The following DGKB variants were observed in gnomAD, a reference collection of about 807,000 sequenced individuals.
The protein encoded by DGKB is 90 kDa diacylglycerol kinase.
A neutral mutation model predicts 114.3 loss-of-function variants in DGKB; 67 were observed. The ratio of observed to expected loss-of-function variants is 0.59; its 90% CI spans 0.48 to 0.72. The LOEUF (loss-of-function observed/expected upper bound fraction) is 0.72. Among genes scored for constraint, DGKB ranks in the 30% least tolerant of loss-of-function variants. The pLI, the probability that DGKB is intolerant of heterozygous loss-of-function variation, is 0.00. For missense variants in DGKB, 907 were observed against 975.2 expected, an observed-to-expected ratio of 0.93 and a Z score of 0.93; for synonymous variants, 398 against 323.1, an observed-to-expected ratio of 1.23 and a Z score of -2.49.
At chr7:14,329,888 TG>T (rs1809415160) in intron 23 of DGKB, among the ~76,000 whole-genome samples, 1 of 152,028 alleles carries the variant, frequency 6.6e-6, no homozygotes. Flanking sequence ...TGTCTACCAC[TG>T]GGTACGTTAA....
intron 23 of DGKB, among the ~76,000 whole-genome samples, chr7:14,262,220 C>T (rs1368687108): frequency 2.0e-5 from 3 of 152,222 alleles, no homozygotes; most frequent in African/African-American, 2.4e-5. Flanking sequence ...ATTGAGCCCA[C>T]GTAGAATTTA....
At chr7:14,546,450 T>C (rs1794296568) in intron 20 of DGKB, among the ~76,000 whole-genome samples, 1 of 152,182 alleles carries the variant, frequency 6.6e-6, no homozygotes, top group Non-Finnish European at 1.5e-5. Context: ...CTTGAGTACA[T>C]GCAGGGCTGG....
intron 4 of DGKB, among the ~76,000 whole-genome samples, chr7:14,743,023 T>C (rs1832782502): frequency 6.6e-6 from 1 of 152,180 alleles, no homozygotes; most frequent in African/African-American, 2.4e-5. Flanking sequence ...TTCTGTAAAC[T>C]GAGCAATGAA....
intron 2 of DGKB, among the ~76,000 whole-genome samples, chr7:14,768,926 C>A (rs1328141491): frequency 6.6e-6 from 1 of 151,728 alleles, no homozygotes; most frequent in Non-Finnish European, 1.5e-5. Context: ...AATTTGCTAT[C>A]AAATTAAAAA....
intron 20 of DGKB, among the ~76,000 whole-genome samples, chr7:14,502,118 T>G (rs1563337788): frequency 1.3e-5 from 2 of 151,940 alleles, no homozygotes; most frequent in Non-Finnish European, 2.9e-5. Flanking sequence ...ATGTCTTGGA[T>G]GTGGGCTTGA....
intron 21 of DGKB, among the ~76,000 whole-genome samples, chr7:14,439,231 C>A (rs191188644): frequency 6.6e-6 from 1 of 152,240 alleles, no homozygotes. Flanking sequence ...TCAGTGTTAA[C>A]TTCTATTTCA....
At chr7:14,669,474 T>C (rs1278978467) in intron 13 of DGKB, among the ~76,000 whole-genome samples, 1 of 152,134 alleles carries the variant, frequency 6.6e-6, no homozygotes, top group Non-Finnish European at 1.5e-5. Flanking sequence ...CAGAGGTGAC[T>C]CCCTCAAATC....
intron 6 of DGKB, among the ~76,000 whole-genome samples, chr7:14,704,268 T>C (rs1213284617): frequency 8.1e-6 from 1 of 123,358 alleles, no homozygotes; most frequent in African/African-American, 3.4e-5. Context: ...ACCCCGTCTC[T>C]ACTAAAAATA....
intron 2 of DGKB, among the ~76,000 whole-genome samples, chr7:14,840,628 C>A (rs1412442702): frequency 6.6e-6 from 1 of 151,570 alleles, no homozygotes; most frequent in African/African-American, 2.4e-5. Flanking sequence ...GGTCCTGACA[C>A]CTCTTTCTTT....
At chr7:14,621,813 G>A (rs1165167091) in intron 14 of DGKB, among the ~76,000 whole-genome samples, 1 of 152,068 alleles carries the variant, frequency 6.6e-6, no homozygotes, top group Non-Finnish European at 1.5e-5. Context: ...TAATGATACA[G>A]ATAAAGGGTA....
chr7:14,766,697 T>A lies in DGKB; in HGVS notation c.71-8966A>T, dbSNP rs114822174. Reference sequence around the variant, plus strand: ...ATAAACAGTATTTAACTGGATGACATCACATGTATAGTGATTGTAGATAGA... The same window carrying A: ...ATAAACAGTATTTAACTGGATGACAACACATGTATAGTGATTGTAGATAGA... On this transcript the variant is annotated intron_variant, in intron 2 of 25. Coordinates refer to ENST00000402815, the MANE Select transcript of DGKB (RefSeq NM_001350709.2). Among the ~76,000 whole-genome samples, 283 of 151,912 alleles carry A rather than the reference T, an allele frequency of 1.9e-3. 2 individuals are homozygous for A. Among genetic ancestry groups the A allele is most frequent in the African/African-American group, 6.6e-3 (273 of 41,508 alleles).
intron 19 of DGKB, among the ~76,000 whole-genome samples, chr7:14,580,506 G>C (rs1403755112): frequency 6.6e-6 from 1 of 152,054 alleles, no homozygotes; most frequent in Non-Finnish European, 1.5e-5. Context: ...CTTTGTTTGT[G>C]ATTTTACCTC....
chr7:14,490,605 G>T (rs1405537920), intron 20 of DGKB, among the ~76,000 whole-genome samples: 1 of 152,122 alleles, frequency 6.6e-6, no homozygotes, highest in African/African-American at 2.4e-5. Flanking sequence ...GGACAAAAAG[G>T]AGTCCAGTCC....
intron 1 of DGKB, among the ~76,000 whole-genome samples, chr7:14,936,169 G>A (rs1000872082): frequency 6.6e-6 from 1 of 152,128 alleles, no homozygotes; most frequent in Admixed American, 6.6e-5. Flanking sequence ...AGCAAAGTGA[G>A]GTCACTGGAT....
chr7:14,748,432 A>G (rs1235305708), intron 4 of DGKB, among the ~76,000 whole-genome samples: 1 of 152,208 alleles, frequency 6.6e-6, no homozygotes, highest in African/African-American at 2.4e-5. Flanking sequence ...ACATATTTGC[A>G]CATATTTGGA....
chr7:14,955,444 CTT>C, intron 1 of DGKB, among the ~76,000 whole-genome samples: 1 of 152,062 alleles, frequency 6.6e-6, no homozygotes, highest in South Asian at 2.1e-4. Context: ...TTAAGCAAAA[CTT>C]TGTCCTCAGA....
intron 20 of DGKB, among the ~76,000 whole-genome samples, chr7:14,545,171 C>T (rs1422965587): frequency 1.3e-5 from 2 of 151,868 alleles, no homozygotes; most frequent in Non-Finnish European, 2.9e-5. Flanking sequence ...ACGATTAAGG[C>T]ACCCTAAAAA....
chr7:14,790,880 C>A, intron 2 of DGKB, among the ~76,000 whole-genome samples: 1 of 152,110 alleles, frequency 6.6e-6, no homozygotes. Context: ...ACATTAAAAT[C>A]TTTATATTAT....
At chr7:14,436,487 TG>T (rs1829284731) in intron 21 of DGKB, among the ~76,000 whole-genome samples, 1 of 130,304 alleles carries the variant, frequency 7.7e-6, no homozygotes, top group African/African-American at 2.7e-5. Context: ...TAAGCATTTC[TG>T]ACCCCCTGGA....
Sources: allele counts gnomAD v4.1 joint callset (sites outside exome capture counted in the v4.1 genomes callset), GRCh38; gene constraint gnomAD v4.1.1; transcripts MANE v1.5; gene names NCBI Gene and HGNC (gene_info 2026-07-23, HGNC 2026-07-21).